REPS2: variants seen among roughly 807,000 people sequenced by gnomAD.
The protein encoded by REPS2 is RALBP1 associated Eps domain containing 2.
In REPS2, 23 loss-of-function variants were observed where a neutral mutation model predicts 53.6. That is an observed-to-expected ratio of 0.43 (90% CI 0.31 to 0.61). The LOEUF is 0.61. Among genes scored for constraint, REPS2 ranks in the 20% least tolerant of loss-of-function variants. The pLI is 0.11. For missense variants in REPS2, 446 were observed against 534.9 expected (o/e 0.83, Z 1.64); for synonymous variants, 238 against 218.6 (o/e 1.09, Z -0.78).
chrX:17,122,313 A>G (rs934253476), intron 14 of REPS2, among the ~76,000 whole-genome samples: 17 of 112,024 alleles, frequency 1.5e-4, no homozygotes, highest in African/African-American at 3.6e-4. Context: ...TATGCGGTAT[A>G]TACTCTGTGT....
chrX:16,976,736 A>G (rs1032728158), intron 1 of REPS2, among the ~76,000 whole-genome samples: 1 of 111,924 alleles, frequency 8.9e-6, no homozygotes, highest in Non-Finnish European at 1.9e-5. Context: ...TATATATTAG[A>G]ACTAGTTTTA....
At chrX:17,162,434 G>A in the REPS2 span, among the ~76,000 whole-genome samples, 4 of 112,652 alleles carry the variant, frequency 3.6e-5, no homozygotes, top group African/African-American at 1.3e-4. Context: ...ACATATTCCT[G>A]GAAATTTAGA....
At chrX:17,075,735 G>A in intron 12 of REPS2, among the ~76,000 whole-genome samples, 1 of 112,476 alleles carries the variant, frequency 8.9e-6, no homozygotes, top group South Asian at 3.6e-4. Flanking sequence ...ATGAAAATGA[G>A]GAATGTGCGC....
chrX:17,137,940 G>T lies in REPS2; in HGVS notation c.1809-916G>T, dbSNP rs778801539. ...CAATATTAATCAGATCTGTACAGTG[G>T]TCACAGTCCATTCTAGTTCAGTTGC... On this transcript the variant is annotated intron_variant, in intron 16 of 17. Coordinates refer to ENST00000357277, the MANE Select transcript of REPS2 (RefSeq NM_004726.3). 6 of 112,460 alleles carry T rather than the reference G, an allele frequency of 5.3e-5. No homozygotes were observed. The East Asian group carries it at 1.7e-3, about 31-fold the overall frequency. The allele number at this position is 112,460 out of a possible 1,213,427, so 9.3% of individuals were successfully genotyped here.
At chrX:16,953,379 G>C (rs944847493) in intron 1 of REPS2, among the ~76,000 whole-genome samples, 1 of 111,177 alleles carries the variant, frequency 9.0e-6, no homozygotes, top group African/African-American at 3.3e-5. Context: ...CCACCACTCC[G>C]TATAAGTAAA....
At chrX:17,183,760 C>T in the REPS2 span, among the ~76,000 whole-genome samples, 1 of 112,172 alleles carries the variant, frequency 8.9e-6, no homozygotes, top group African/African-American at 3.2e-5. Context: ...TAAAGCCCTC[C>T]AGTGGTTTCT....
chrX:17,093,166 C>CTATATATATA (rs58530978), intron 13 of REPS2, among the ~76,000 whole-genome samples: 496 of 39,051 alleles, frequency 0.013, 16 homozygotes, highest in Non-Finnish European at 0.02. Context: ...TGAGTTAATG[C>CTATATATATA]TATATATATA....
At chrX:17,123,913 G>A (rs2063173634) in intron 14 of REPS2, among the ~76,000 whole-genome samples, 1 of 112,189 alleles carries the variant, frequency 8.9e-6, no homozygotes, top group African/African-American at 3.2e-5. Flanking sequence ...GCAGTAGGAG[G>A]AACTATGCCT....
At chrX:17,069,356 G>A (rs1001086717) in intron 10 of REPS2, among the ~76,000 whole-genome samples, 4 of 112,441 alleles carry the variant, frequency 3.6e-5, no homozygotes, top group African/African-American at 1.3e-4. Flanking sequence ...AATCAGTGAA[G>A]CTATTTCAGG....
intron 13 of REPS2, among the ~76,000 whole-genome samples, chrX:17,080,119 C>T (rs1270788114): frequency 1.8e-5 from 2 of 111,180 alleles, no homozygotes; most frequent in African/African-American, 6.6e-5. Context: ...CTTTCTATTT[C>T]ATATAGAGGA....
intron 10 of REPS2, 120 bp from the exon 11 acceptor site, chrX:17,069,820 G>T: frequency 2.7e-6 from 1 of 375,807 alleles, no homozygotes; most frequent in Non-Finnish European, 4.4e-6. Flanking sequence ...ACCTGTTTTT[G>T]TAAGTGATGA....
downstream of REPS2, among the ~76,000 whole-genome samples, chrX:17,155,287 TCTG>T (rs1177583942): frequency 9.0e-6 from 1 of 111,118 alleles, no homozygotes; most frequent in Non-Finnish European, 1.9e-5. Flanking sequence ...CTCAGGTCTC[TCTG>T]CTGCTGCTGC....
At chrX:16,974,901 GTTC>G (rs1240589983) in intron 1 of REPS2, among the ~76,000 whole-genome samples, 5 of 108,827 alleles carry the variant, frequency 4.6e-5, no homozygotes, top group Non-Finnish European at 9.5e-5. Context: ...AGTGTCTGTT[GTTC>G]TTCTCTGTGT....
At chrX:17,158,508 GA>G in the REPS2 span, among the ~76,000 whole-genome samples, 3 of 111,618 alleles carry the variant, frequency 2.7e-5, no homozygotes, top group Non-Finnish European at 5.6e-5. Flanking sequence ...AAAGCTTCTA[GA>G]AGAATGCATA....
the REPS2 span, among the ~76,000 whole-genome samples, chrX:17,189,443 G>A: frequency 1.8e-5 from 2 of 109,477 alleles, no homozygotes. Context: ...CTTCCACCAC[G>A]CCTGGCAAAT....
intron 15 of REPS2, among the ~76,000 whole-genome samples, chrX:17,134,117 A>G (rs1264565805): frequency 1.8e-5 from 2 of 111,757 alleles, no homozygotes; most frequent in South Asian, 3.8e-4. Flanking sequence ...ATGACAGTAC[A>G]TACTCAACCT....
intron 11 of REPS2, among the ~76,000 whole-genome samples, chrX:17,072,936 C>T (rs772739605): frequency 8.9e-6 from 1 of 112,448 alleles, no homozygotes; most frequent in Non-Finnish European, 1.9e-5. Flanking sequence ...ACTCTGGCAG[C>T]GTTTCAGCTG....
chrX:17,027,927 G>A (rs1004790139), intron 4 of REPS2, among the ~76,000 whole-genome samples: 1 of 110,995 alleles, frequency 9.0e-6, no homozygotes, highest in Non-Finnish European at 1.9e-5. Context: ...CAGAGCACAT[G>A]TCTTAGATTT....
rs144791374 is a variant in REPS2, at chrX:17,147,564, T to C, written c.*83T>C. 2.7e-4 allele frequency: 205 copies of C among 766,637 alleles called. No homozygotes were observed. The African/African-American group carries it at 3.7e-3, about 14-fold the overall frequency. The allele number at this position is 766,637 out of a possible 1,213,427, so 63.2% of individuals were successfully genotyped here. A position where few individuals can be genotyped will look rare whatever the true frequency, so the allele number is the denominator to read the frequency against. Reference sequence around the variant, plus strand: ...ATGTTTTGAACCCAACTACTTGTCATAGATGTTTGACTGTGTCAAAAGCTG... The same window carrying C: ...ATGTTTTGAACCCAACTACTTGTCACAGATGTTTGACTGTGTCAAAAGCTG... On this transcript the variant is annotated 3_prime_UTR_variant, in exon 18 of 18. Transcript: ENST00000357277.
Sources: allele counts gnomAD v4.1 joint callset (sites outside exome capture counted in the v4.1 genomes callset), GRCh38; gene constraint gnomAD v4.1.1; transcripts MANE v1.5; gene names NCBI Gene and HGNC (gene_info 2026-07-23, HGNC 2026-07-21).